Variants in FILIP1L observed in about 807,000 individuals in gnomAD.
The protein encoded by FILIP1L is filamin A interacting protein 1 like.
A neutral mutation model predicts 96.6 loss-of-function variants in FILIP1L; 55 were observed. The observed-to-expected ratio is 0.57, with a 90% CI of 0.46 to 0.71. The LOEUF (loss-of-function observed/expected upper bound fraction) is 0.71, where lower values mean the gene tolerates loss of function less well. Among genes scored for constraint, FILIP1L ranks in the 30% least tolerant of loss-of-function variants. The probability of loss-of-function intolerance (pLI) is 0.00; values close to 1 mark genes in which losing one functional copy is unlikely to be tolerated. For synonymous variants in FILIP1L, 467 were observed against 473.9 expected, an observed-to-expected ratio of 0.99 and a Z score of 0.19; for missense variants, 1,304 against 1,321.2, an observed-to-expected ratio of 0.99 and a Z score of 0.20.
intron 5 of FILIP1L, among the ~76,000 whole-genome samples, chr3:99,838,104 A>G (rs1227113660): frequency 6.6e-6 from 1 of 152,204 alleles, no homozygotes; most frequent in African/African-American, 2.4e-5. Flanking sequence ...CATGCTTGGC[A>G]TTTGTGCCCT....
chr3:99,979,119 G>C (rs1222746845), intron 1 of FILIP1L, among the ~76,000 whole-genome samples: 1 of 152,094 alleles, frequency 6.6e-6, no homozygotes, highest in Non-Finnish European at 1.5e-5. Context: ...ACAAAGAAAT[G>C]ATAAATGTTT....
Position 100,059,488 on chromosome 3 carries a change from A to C in FILIP1L, c.-11+54565T>G, listed in dbSNP as rs563608522. 9.1e-4 allele frequency among the ~76,000 whole-genome samples: 139 copies of C among 152,136 alleles called. 1 individual carries two copies. The highest frequency in any genetic ancestry group is 6.2e-3 in the South Asian group (30 of 4,816). On this transcript the variant is annotated intron_variant, in intron 1 of 5. Transcript: ENST00000477258. ...GCATTTTTTTTTAGCACCTGTTATTAAATAATGGTGTGCTAGGCCCTGAGG... is the reference window on the plus strand; with the variant it reads ...GCATTTTTTTTTAGCACCTGTTATTCAATAATGGTGTGCTAGGCCCTGAGG...
chr3:99,924,682 C>T (rs1707234977), intron 3 of FILIP1L, among the ~76,000 whole-genome samples: 1 of 152,148 alleles, frequency 6.6e-6, no homozygotes, highest in South Asian at 2.1e-4. Context: ...CCATGCCCAA[C>T]TAATTTTTTT....
At position 99,851,000 on chromosome 3, in the gene FILIP1L, T is replaced by A; in HGVS notation, c.676A>T (p.Thr226Ser). 6.2e-7 allele frequency: 1 copy of A among 1,613,756 alleles called. No homozygotes were observed. The highest frequency in any genetic ancestry group is 8.5e-7 in the Non-Finnish European group (1 of 1,179,986). ...TTGGTCAGCTCCTCTTTCAGGGTGG[T>A]GACCCTTTTCTCCTTTTCTTGCTCC... Reference protein sequence around the residue: ...EKEQEKEKRVTTLKEELTKLK... With the variant: ...EKEQEKEKRVSTLKEELTKLK... The change falls in exon 5 of 6, where the codon ACC becomes TCC. Residue 226 changes from threonine (T) to serine (S), a missense_variant. Physicochemically the swap from Thr to Ser is moderately conservative, Grantham distance 58. Transcript: ENST00000477258.
intron 1 of FILIP1L, among the ~76,000 whole-genome samples, chr3:99,992,755 G>A (rs939218878): frequency 5.3e-5 from 8 of 151,882 alleles, no homozygotes; most frequent in African/African-American, 1.9e-4. Flanking sequence ...AATGTCTACA[G>A]TAGTTTTTCT....
intron 4 of FILIP1L, among the ~76,000 whole-genome samples, chr3:99,852,695 C>T (rs1396373155): frequency 2.6e-5 from 4 of 152,082 alleles, no homozygotes; most frequent in East Asian, 1.9e-4. Context: ...CCACCTGCCT[C>T]GGCCTCCCAA....
intron 1 of FILIP1L, 150 bp from the exon 2 acceptor site, chr3:99,931,180 A>G: frequency 1.5e-6 from 1 of 652,608 alleles, no homozygotes; most frequent in Non-Finnish European, 2.6e-6. Flanking sequence ...GAAGGATATT[A>G]GCAGATTCAT....
chr3:99,977,831 G>A (rs1320084468), intron 1 of FILIP1L, among the ~76,000 whole-genome samples: 1 of 152,058 alleles, frequency 6.6e-6, no homozygotes, highest in Non-Finnish European at 1.5e-5. Flanking sequence ...TCATTTACAA[G>A]TATGGATCCA....
intron 1 of FILIP1L, among the ~76,000 whole-genome samples, chr3:99,952,393 C>G (rs1402001562): frequency 6.6e-6 from 1 of 152,126 alleles, no homozygotes; most frequent in Admixed American, 6.5e-5. Context: ...TATGTCTGTT[C>G]AAGTTGAGGA....
At chr3:99,909,715 C>T (rs1253625005) in intron 4 of FILIP1L, among the ~76,000 whole-genome samples, 1 of 152,104 alleles carries the variant, frequency 6.6e-6, no homozygotes, top group African/African-American at 2.4e-5. Flanking sequence ...TTTTATTTAA[C>T]TCATAATAAC....
At chr3:100,050,984 CAT>C (rs1575991013) in intron 1 of FILIP1L, among the ~76,000 whole-genome samples, 1 of 152,228 alleles carries the variant, frequency 6.6e-6, no homozygotes, top group Non-Finnish European at 1.5e-5. Context: ...ACTATTTTCA[CAT>C]GTTTTAGGTA....
rs1943507712 is a variant in FILIP1L at position 99,848,883 on chromosome 3, CGTG to C, written c.2790_2792del (p.Tyr930_Thr931delinsTer). On this transcript the variant is annotated stop_gained and inframe_deletion, in exon 5 of 6. Transcript: ENST00000477258. LOFTEE classifies it high-confidence loss of function. Reference sequence around the variant, plus strand: ...CACAGTTCGGTATCACTGCAGTACTCGTGTAAGAGTGAGGACTCTCTGTGGTTG... The same window carrying C: ...CACAGTTCGGTATCACTGCAGTACTCTAAGAGTGAGGACTCTCTGTGGTTG... 6.2e-7 allele frequency: 1 copy of C among 1,613,914 alleles called. No homozygotes were observed.
At position 99,983,385 on chromosome 3, in the gene FILIP1L, AATAAATATAT is replaced by A. The variant is rs1178362217; in HGVS notation, c.-10-52365_-10-52356del. ...CCTGTCTCTACTTAAAAAATAAATA[AATAAATATAT>A]ATATATATATATATATATATATATG... On this transcript the variant is annotated intron_variant, in intron 1 of 5. Coordinates refer to ENST00000477258, the MANE Select transcript of FILIP1L (RefSeq NM_001387850.1). 4.9e-3 allele frequency among the ~76,000 whole-genome samples: 412 copies of A among 84,052 alleles called. 18 individuals carry two copies. Among genetic ancestry groups the A allele is most frequent in the Admixed American group, 0.026 (188 of 7,336 alleles). 55.1% of individuals were successfully genotyped at this position (84,052 alleles called of 152,430 possible).
intron 1 of FILIP1L, among the ~76,000 whole-genome samples, chr3:99,983,162 A>G (rs1709177498): frequency 6.6e-6 from 1 of 151,776 alleles, no homozygotes; most frequent in Non-Finnish European, 1.5e-5. Context: ...TTGAAAAAAA[A>G]TTTCTCAGGG....
Position 99,850,571 on chromosome 3 carries a change from T to C in FILIP1L, c.1105A>G (p.Met369Val), listed in dbSNP as rs1208632987. The C allele has an allele frequency of 1.9e-6, 3 of 1,613,806 alleles. No homozygotes were observed. The African/African-American group carries it at 4.0e-5, about 22-fold the overall frequency. Residue 369 changes from methionine (M) to valine (V), a missense_variant, in exon 5 of 6, where the codon ATG (methionine) becomes GTG (valine). Coordinates refer to ENST00000477258, the MANE Select transcript of FILIP1L (RefSeq NM_001387850.1). ...SKGEYGNAGI[M>V]AEVEELRKRV... is the part of the protein sequence containing the mutation. ...TTCCTGAGCTCTTCCACTTCAGCCA[T>C]GATACCAGCGTTTCCATATTCTCCC... is the stretch of plus-strand genomic sequence containing the variant.
intron 5 of FILIP1L, among the ~76,000 whole-genome samples, chr3:99,832,630 G>A (rs1413801588): frequency 6.8e-6 from 1 of 146,468 alleles, no homozygotes; most frequent in Non-Finnish European, 1.5e-5. Context: ...ATCACTTGAG[G>A]TCAGGAGTTC....
intron 1 of FILIP1L, among the ~76,000 whole-genome samples, chr3:99,993,489 C>T (rs1256909860): frequency 2.0e-5 from 3 of 152,026 alleles, no homozygotes; most frequent in African/African-American, 7.2e-5. Context: ...TACCTGACTG[C>T]TCTGATGAAG....
intron 4 of FILIP1L, chr3:99,876,259 C>T (rs1705514391): frequency 4.1e-6 from 4 of 979,166 alleles, no homozygotes; most frequent in Non-Finnish European, 4.9e-6. Context: ...GCGCTGTCGG[C>T]GGGGGCGCCG....
At chr3:100,000,971 A>G (rs1395951051) in intron 1 of FILIP1L, among the ~76,000 whole-genome samples, 1 of 152,240 alleles carries the variant, frequency 6.6e-6, no homozygotes, top group African/African-American at 2.4e-5. Flanking sequence ...TATGTTTTCT[A>G]TAAGATAACC....
Sources: allele counts gnomAD v4.1 joint callset (sites outside exome capture counted in the v4.1 genomes callset), GRCh38; gene constraint gnomAD v4.1.1; transcripts MANE v1.5; gene names NCBI Gene and HGNC (gene_info 2026-07-23, HGNC 2026-07-21).